The following FICD variants were observed in gnomAD, a reference collection of about 807,000 sequenced individuals.
FICD encodes FIC domain protein adenylyltransferase.
In FICD, 13 loss-of-function variants were observed where a neutral mutation model predicts 28.0. The ratio of observed to expected loss-of-function variants is 0.46; its 90% CI spans 0.30 to 0.74. FICD has a LOEUF of 0.74. FICD is among the 30% of genes least tolerant of loss of function. The pLI is 0.07. For missense variants in FICD, 576 were observed against 624.5 expected (o/e 0.92, Z 0.83); for synonymous variants, 268 against 266.4 (o/e 1.01, Z -0.06).
In FICD at chr12:108,520,626, C is replaced by T. The variant is rs1352367167; in HGVS notation, c.*1151C>T. ...GCAACTTGTGAAATGATGTAGTGCTCTATGTAATATGGCCGGGTTTCCAAG... is the reference window on the plus strand; with the variant it reads ...GCAACTTGTGAAATGATGTAGTGCTTTATGTAATATGGCCGGGTTTCCAAG... On this transcript the variant is annotated 3_prime_UTR_variant, in exon 3 of 3. Transcript: ENST00000552695. 1 of 152,208 alleles carries T rather than the reference C, an allele frequency of 6.6e-6. No homozygotes were observed. Among genetic ancestry groups the T allele is most frequent in the Non-Finnish European group, 1.5e-5 (1 of 68,050 alleles). 9.4% of individuals were successfully genotyped at this position (152,208 alleles called of 1,614,324 possible).
rs1593227666 is a variant in FICD, at chr12:108,519,287, T to G, written c.1189T>G (p.Ser397Ala). 1 of 1,614,236 alleles carries G rather than the reference T, an allele frequency of 6.2e-7. No individual in the cohort carries two copies. The highest frequency in any genetic ancestry group is 8.5e-7 in the Non-Finnish European group (1 of 1,180,040). ...CATCACCATCCGCAAGGAGCAGCGG[T>G]CCGACTACTACCACGTGTTGGAAGC... Reference protein sequence around the residue: ...PPITIRKEQRSDYYHVLEAAN... With the variant: ...PPITIRKEQRADYYHVLEAAN... The change falls in exon 3 of 3, where the codon TCC becomes GCC. Residue 397 changes from serine to alanine, a missense_variant. Physicochemically the swap from Ser to Ala is moderately conservative, Grantham distance 99. Coordinates refer to ENST00000552695, the MANE Select transcript of FICD (RefSeq NM_007076.3). The surrounding 1 kb of genome is among the most constrained non-coding windows in gnomAD (Gnocchi z 4.5).
At position 108,518,816 on chromosome 12, in the gene FICD, C is replaced by G; in HGVS notation, c.718C>G (p.Leu240Val). 1 of 1,614,212 alleles carries G rather than the reference C, an allele frequency of 6.2e-7. No individual in the cohort carries two copies. The highest frequency in any genetic ancestry group is 8.5e-7 in the Non-Finnish European group (1 of 1,180,044). The part of the protein sequence containing the change: ...TVAIEGNTLT[L>V]SEIRHILETR... ...GGCCATCGAGGGCAACACCCTCACC[C>G]TCTCGGAAATCAGGCACATCCTGGA... Residue 240 changes from leucine to valine, a missense_variant, in exon 3 of 3, where the codon CTC (leucine) becomes GTC (valine). Coordinates refer to ENST00000552695, the MANE Select transcript of FICD (RefSeq NM_007076.3). This position sits in a 1 kb window ranked among gnomAD's most constrained non-coding sequence, Gnocchi z 4.4.
At position 108,518,663 on chromosome 12, in the gene FICD, G is replaced by A. The variant is rs752364770; in HGVS notation, c.565G>A (p.Glu189Lys). The change falls in exon 3 of 3, where the codon GAG becomes AAG. Residue 189 changes from glutamate (E) to lysine (K), a missense_variant. Transcript: ENST00000552695. This position sits in a 1 kb window ranked among gnomAD's most constrained non-coding sequence, Gnocchi z 4.4. ...NRDRTLPLVE[E>K]IDQRYFSIID... Reference sequence around the variant, plus strand: ...CGATCGGACACTGCCTCTTGTGGAAGAGATCGACCAGAGGTATTTCAGCAT... The same window carrying A: ...CGATCGGACACTGCCTCTTGTGGAAAAGATCGACCAGAGGTATTTCAGCAT... The A allele has an allele frequency of 6.2e-7, 1 of 1,614,216 alleles. No homozygotes were observed. The highest frequency in any genetic ancestry group is 8.5e-7 in the Non-Finnish European group (1 of 1,180,042).
In FICD at chr12:108,518,199, C is replaced by T. The variant is rs1871968470; in HGVS notation, c.302-201C>T. 3 of 703,540 alleles carry T rather than the reference C, an allele frequency of 4.3e-6. No homozygotes were observed. The highest frequency in any genetic ancestry group is 2.0e-5 in the Admixed American group (1 of 49,994). The allele number at this position is 703,540 out of a possible 1,614,324, so 43.6% of individuals were successfully genotyped here. The stretch of plus-strand genomic sequence containing the variant: ...TCTGGGGACACACGGATAGTGACTG[C>T]ATACCACCACACGGCTGGGGCAACA... On this transcript the variant is annotated intron_variant, in intron 2 of 2. Transcript: ENST00000552695. This position sits in a 1 kb window ranked among gnomAD's most constrained non-coding sequence, Gnocchi z 4.4.
chr12:108,518,472 C>G lies in FICD; in HGVS notation c.374C>G (p.Ala125Gly). 1 of 1,614,154 alleles carries G rather than the reference C, an allele frequency of 6.2e-7. No individual in the cohort carries two copies. The highest frequency in any genetic ancestry group is 1.1e-5 in the South Asian group (1 of 91,074). Reference protein sequence around the residue: ...EMKRQGKREKAQKLFMHALKM... With the variant: ...EMKRQGKREKGQKLFMHALKM... ...AAGCGCCAGGGCAAGCGGGAAAAAG[C>G]CCAAAAGCTCTTCATGCACGCCCTC... Residue 125 changes from alanine (A) to glycine (G), a missense_variant, in exon 3 of 3, where the codon GCC becomes GGC. Transcript: ENST00000552695. This position sits in a 1 kb window ranked among gnomAD's most constrained non-coding sequence, Gnocchi z 4.4.
rs1335114168 is a variant in FICD at position 108,518,698 on chromosome 12, CA to C, written c.603del (p.Val202Ter). On this transcript the variant is annotated frameshift_variant, in exon 3 of 3. Transcript: ENST00000552695. LOFTEE classifies it high-confidence loss of function. The surrounding 1 kb of genome is among the most constrained non-coding windows in gnomAD (Gnocchi z 4.4). ...DQRYFSIIDSKVKKVMSIPKG... is the reference protein window; with the variant it reads ...DQRYFSIIDSXVKKVMSIPKG... Reference sequence around the variant, plus strand: ...AGAGGTATTTCAGCATCATCGACAGCAAAGTGAAGAAGGTCATGTCCATCCC... The same window carrying C: ...AGAGGTATTTCAGCATCATCGACAGCAAGTGAAGAAGGTCATGTCCATCCC... 1 of 1,614,182 alleles carries C rather than the reference CA, an allele frequency of 6.2e-7. No homozygotes were observed. The highest frequency in any genetic ancestry group is 1.7e-5 in the Admixed American group (1 of 60,018).
At position 108,519,233 on chromosome 12, in the gene FICD, C is replaced by T; in HGVS notation, c.1135C>T (p.Leu379Phe). The T allele has an allele frequency of 6.2e-6, 10 of 1,614,256 alleles. No homozygotes were observed. Among genetic ancestry groups the T allele is most frequent in the South Asian group, 1.1e-5 (1 of 91,092 alleles). Reference sequence around the variant, plus strand: ...GAGGACCTCCCGTCTGCTCATGAACCTCATCCTCATGCAGGCGGGCTACCC... The same window carrying T: ...GAGGACCTCCCGTCTGCTCATGAACTTCATCCTCATGCAGGCGGGCTACCC... Reference protein sequence around the residue: ...NGRTSRLLMNLILMQAGYPPI... With the variant: ...NGRTSRLLMNFILMQAGYPPI... The change falls in exon 3 of 3, where the codon CTC becomes TTC. Residue 379 changes from leucine to phenylalanine, a missense_variant. By Grantham distance (22) the Leu-to-Phe change is conservative. Coordinates refer to ENST00000552695, the MANE Select transcript of FICD (RefSeq NM_007076.3). The surrounding 1 kb of genome is among the most constrained non-coding windows in gnomAD (Gnocchi z 4.5).
rs755260542 is a variant in FICD at position 108,517,017 on chromosome 12, G to A, written c.45G>A (p.Pro15=). 5.1e-6 allele frequency: 8 copies of A among 1,554,060 alleles called. No homozygotes were observed. In the South Asian group the frequency reaches 7.1e-5, roughly 14 times the overall value. The change falls in exon 2 of 3, where the codon CCG becomes CCA. Residue 15 remains proline (P), a synonymous_variant. Coordinates refer to ENST00000552695, the MANE Select transcript of FICD (RefSeq NM_007076.3). ...CTTCAGTGATGGCGGTGACTGAACC[G>A]AAATGGGTCTCGGTCTGGAGCCGCT... The part of the protein sequence containing the change: ...PMASVMAVTE[P]KWVSVWSRFL...
rs985285324 is a variant in FICD at position 108,520,325 on chromosome 12, G to A, written c.*850G>A. ...CTGCAAACCAGGTGTTATGCTAGTA[G>A]GCATCTGCCCTCACCCCTCTGCCTG... is the stretch of plus-strand genomic sequence containing the variant. On this transcript the variant is annotated 3_prime_UTR_variant, in exon 3 of 3. Coordinates refer to ENST00000552695, the MANE Select transcript of FICD (RefSeq NM_007076.3). 6.6e-6 allele frequency: 1 copy of A among 152,122 alleles called. No homozygotes were observed. Among genetic ancestry groups the A allele is most frequent in the Non-Finnish European group, 1.5e-5 (1 of 68,030 alleles). 9.4% of individuals were successfully genotyped at this position (152,122 alleles called of 1,614,324 possible).
intron 1 of FICD, among the ~76,000 whole-genome samples, chr12:108,515,904 G>A (rs1050606236): frequency 2.0e-5 from 3 of 152,156 alleles, no homozygotes; most frequent in Non-Finnish European, 4.4e-5. Flanking sequence ...TTTACCTCCT[G>A]TGGGCCTTCT....
rs1362243814 is a variant in FICD at position 108,518,375 on chromosome 12, C to T, written c.302-25C>T. On this transcript the variant is annotated intron_variant, in intron 2 of 2. Transcript: ENST00000552695. This position sits in a 1 kb window ranked among gnomAD's most constrained non-coding sequence, Gnocchi z 4.4. ...TCTGCCCCCTAGCCTCCCTCCCTCA[C>T]AGCGCTTCTTTGGCTCTCTTCCAGC... 5 of 1,603,750 alleles carry T rather than the reference C, an allele frequency of 3.1e-6. No individual in the cohort carries two copies. The highest frequency in any genetic ancestry group is 4.3e-6 in the Non-Finnish European group (5 of 1,170,878).
rs1352916764 is a variant in FICD, at chr12:108,519,248, G to A, written c.1150G>A (p.Ala384Thr). The A allele has an allele frequency of 1.9e-6, 3 of 1,614,202 alleles. No individual in the cohort carries two copies. The highest frequency in any genetic ancestry group is 1.7e-5 in the Admixed American group (1 of 60,028). The change falls in exon 3 of 3, where the codon GCG becomes ACG. Residue 384 changes from alanine (A) to threonine (T), a missense_variant. Transcript: ENST00000552695. The surrounding 1 kb of genome is among the most constrained non-coding windows in gnomAD (Gnocchi z 4.5). ...RLLMNLILMQAGYPPITIRKE... is the reference protein window; with the variant it reads ...RLLMNLILMQTGYPPITIRKE... ...GCTCATGAACCTCATCCTCATGCAGGCGGGCTACCCGCCCATCACCATCCG... is the reference window on the plus strand; with the variant it reads ...GCTCATGAACCTCATCCTCATGCAGACGGGCTACCCGCCCATCACCATCCG...
Position 108,516,918 on chromosome 12 carries a change from C to G in FICD, c.-55C>G. The G allele has an allele frequency of 7.1e-7, 1 of 1,401,902 alleles. No homozygotes were observed. The allele number at this position is 1,401,902 out of a possible 1,614,324, so 86.8% of individuals were successfully genotyped here. A position where few individuals can be genotyped will look rare whatever the true frequency, so the allele number is the denominator to read the frequency against. ...TGCGACTCTTGGCTCCTTGCAGATC[C>G]TGCTCTCTCTCAGCCGCCTGTGGAC... On this transcript the variant is annotated 5_prime_UTR_variant, in exon 2 of 3. Transcript: ENST00000552695.
Position 108,517,025 on chromosome 12 carries a change from TC to T in FICD, c.54del (p.Ser19ArgfsTer9). ...SVMAVTEPKW[V>X]SVWSRFLWVT... is the part of the protein sequence containing the mutation. ...ATGGCGGTGACTGAACCGAAATGGG[TC>T]TCGGTCTGGAGCCGCTTCCTCTGGG... is the stretch of plus-strand genomic sequence containing the variant. On this transcript the variant is annotated frameshift_variant, in exon 2 of 3. Transcript: ENST00000552695. LOFTEE classifies it high-confidence loss of function. The T allele has an allele frequency of 6.4e-7, 1 of 1,563,296 alleles. No individual in the cohort carries two copies. Among genetic ancestry groups the T allele is most frequent in the Non-Finnish European group, 8.7e-7 (1 of 1,149,404 alleles).
chr12:108,518,645 A>C lies in FICD; in HGVS notation c.547A>C (p.Thr183Pro). 6.2e-7 allele frequency: 1 copy of C among 1,614,206 alleles called. No individual in the cohort carries two copies. The highest frequency in any genetic ancestry group is 8.5e-7 in the Non-Finnish European group (1 of 1,180,034). The part of the protein sequence containing the change: ...HEKALVNRDR[T>P]LPLVEEIDQR... ...GAAAGCACTGGTCAACCGCGATCGG[A>C]CACTGCCTCTTGTGGAAGAGATCGA... is the stretch of plus-strand genomic sequence containing the variant. The change falls in exon 3 of 3, where the codon ACA becomes CCA. Residue 183 changes from threonine (T) to proline (P), a missense_variant. Coordinates refer to ENST00000552695, the MANE Select transcript of FICD (RefSeq NM_007076.3). This position sits in a 1 kb window ranked among gnomAD's most constrained non-coding sequence, Gnocchi z 4.4.
Position 108,521,026 on chromosome 12 carries a change from G to A in FICD, c.*1551G>A, listed in dbSNP as rs1193819538. 5 of 152,116 alleles carry A rather than the reference G, an allele frequency of 3.3e-5. No homozygotes were observed. The highest frequency in any genetic ancestry group is 6.5e-5 in the Admixed American group (1 of 15,280). The allele number at this position is 152,116 out of a possible 1,614,324, so 9.4% of individuals were successfully genotyped here. A position where few individuals can be genotyped will look rare whatever the true frequency, so the allele number is the denominator to read the frequency against. ...TCAAACCTTTATAAAATGTGTTTTC[G>A]TACTCTTATGCTGCCAGAGGTACTT... On this transcript the variant is annotated 3_prime_UTR_variant, in exon 3 of 3. Coordinates refer to ENST00000552695, the MANE Select transcript of FICD (RefSeq NM_007076.3).
rs201767952 is a variant in FICD, at chr12:108,517,101, G to C, written c.129G>C (p.Pro43=). ...VLGSLLALLL[P]LGAVEEQCLA... is the part of the protein sequence containing the mutation. ...GGTCCCTGCTGGCCCTGCTGCTGCCGCTGGGGGCTGTGGAGGAGCAGTGCT... is the reference window on the plus strand; with the variant it reads ...GGTCCCTGCTGGCCCTGCTGCTGCCCCTGGGGGCTGTGGAGGAGCAGTGCT... The change falls in exon 2 of 3, where the codon CCG becomes CCC. Residue 43 remains proline, a synonymous_variant. Coordinates refer to ENST00000552695, the MANE Select transcript of FICD (RefSeq NM_007076.3). 131 of 1,609,864 alleles carry C rather than the reference G, an allele frequency of 8.1e-5. No individual in the cohort carries two copies. The highest frequency in any genetic ancestry group is 1.1e-4 in the Non-Finnish European group (129 of 1,178,030).
At chr12:108,517,810 C>T (rs755032794) in intron 2 of FICD, among the ~76,000 whole-genome samples, 3 of 152,140 alleles carry the variant, frequency 2.0e-5, no homozygotes, top group Non-Finnish European at 2.9e-5. Context: ...GCCTGTAGCA[C>T]TCCCTCCACC....
Position 108,519,445 on chromosome 12 carries a change from G to C in FICD, c.1347G>C (p.Gly449=). 1 of 1,613,132 alleles carries C rather than the reference G, an allele frequency of 6.2e-7. No individual in the cohort carries two copies. Among genetic ancestry groups the C allele is most frequent in the Non-Finnish European group, 8.5e-7 (1 of 1,179,326 alleles). The change falls in exon 3 of 3, where the codon GGG becomes GGC. Residue 449 remains glycine (G), a synonymous_variant. Coordinates refer to ENST00000552695, the MANE Select transcript of FICD (RefSeq NM_007076.3). The surrounding 1 kb of genome is among the most constrained non-coding windows in gnomAD (Gnocchi z 4.5). The stretch of plus-strand genomic sequence containing the variant: ...CAGAAGCCCAACCCAACCACTCTGG[G>C]TTCAAGGAGACGCTTCCTGTGAAGC... The part of the protein sequence containing the change: ...ALPEAQPNHS[G]FKETLPVKP
Sources: allele counts gnomAD v4.1 joint callset (sites outside exome capture counted in the v4.1 genomes callset), GRCh38; gene constraint gnomAD v4.1.1; non-coding constraint Gnocchi (gnomAD v3.1); transcripts MANE v1.5; gene names NCBI Gene and HGNC (gene_info 2026-07-23, HGNC 2026-07-21).